GIPC2: variants seen among roughly 807,000 people sequenced by gnomAD.
GIPC2 encodes GIPC PDZ domain containing family member 2.
A neutral mutation model predicts 30.6 loss-of-function variants in GIPC2; 30 were observed. That is an observed-to-expected ratio of 0.98 (90% CI 0.73 to 1.33). GIPC2 has a LOEUF of 1.33. Ranked by LOEUF, GIPC2 falls within the 40% of genes most tolerant of loss-of-function variation. The pLI, the probability that GIPC2 is intolerant of heterozygous loss-of-function variation, is 0.00. For missense variants in GIPC2, 414 were observed against 390.3 expected, an observed-to-expected ratio of 1.06 and a Z score of -0.51; for synonymous variants, 167 against 150.0, an observed-to-expected ratio of 1.11 and a Z score of -0.83.
chr1:78,059,555 C>T (rs1158454641), intron 1 of GIPC2, among the ~76,000 whole-genome samples: 1 of 152,246 alleles, frequency 6.6e-6, no homozygotes. Context: ...CCAGCCTGGG[C>T]AACATGGTGA....
chr1:78,055,173 T>G (rs1003817364), intron 1 of GIPC2, among the ~76,000 whole-genome samples: 2 of 152,174 alleles, frequency 1.3e-5, no homozygotes, highest in African/African-American at 4.8e-5. Context: ...TCTTGTTGCA[T>G]CCTCATGTAA....
At chr1:78,129,906 G>C (rs558617589) in intron 5 of GIPC2, among the ~76,000 whole-genome samples, 2 of 152,196 alleles carry the variant, frequency 1.3e-5, no homozygotes, top group East Asian at 3.9e-4. Flanking sequence ...TTGAGATCCT[G>C]AGATGTGTGG....
At chr1:78,054,209 A>C (rs1408213929) in intron 1 of GIPC2, among the ~76,000 whole-genome samples, 1 of 152,178 alleles carries the variant, frequency 6.6e-6, no homozygotes, top group Non-Finnish European at 1.5e-5. Context: ...GATACCTGCT[A>C]TTGCATGATT....
rs1445538501 is a variant in GIPC2, at chr1:78,046,047, A to G, written c.-48A>G. The stretch of plus-strand genomic sequence containing the variant: ...CAAAGTCCGAGGCGCCGGGGGGAGG[A>G]GGCGGCGGACGGCAGCGCAGGTGGG... On this transcript the variant is annotated 5_prime_UTR_variant, in exon 1 of 6. Transcript: ENST00000370759. The G allele has an allele frequency of 5.7e-6, 8 of 1,396,712 alleles. No individual in the cohort carries two copies. The East Asian group carries it at 2.4e-4, about 42-fold the overall frequency. The allele number at this position is 1,396,712 out of a possible 1,614,324, so 86.5% of individuals were successfully genotyped here.
intron 1 of GIPC2, among the ~76,000 whole-genome samples, chr1:78,078,203 A>AC (rs968112106): frequency 2.9e-4 from 44 of 151,388 alleles, no homozygotes; most frequent in Non-Finnish European, 5.9e-4. Context: ...AAAAAAAAAA[A>AC]AAAAAAACCT....
rs1663017470 is a variant in GIPC2, at chr1:78,136,914, G to A, written c.*1171G>A. 6.6e-6 allele frequency: 1 copy of A among 152,094 alleles called. No individual in the cohort carries two copies. The highest frequency in any genetic ancestry group is 1.5e-5 in the Non-Finnish European group (1 of 67,988). The allele number at this position is 152,094 out of a possible 1,614,324, so 9.4% of individuals were successfully genotyped here. A position where few individuals can be genotyped will look rare whatever the true frequency, so the allele number is the denominator to read the frequency against. On this transcript the variant is annotated 3_prime_UTR_variant, in exon 6 of 6. Transcript: ENST00000370759. ...TGGCATGACCAAGCATCTTTGTAAA[G>A]TGTTAGATGGAAAATGCTGTGTGCT...
intron 3 of GIPC2, among the ~76,000 whole-genome samples, chr1:78,114,378 A>T (rs889992368): frequency 1.3e-5 from 2 of 152,236 alleles, no homozygotes; most frequent in Non-Finnish European, 2.9e-5. Flanking sequence ...CTATAAATAT[A>T]TGTGGTCTCC....
intron 3 of GIPC2, among the ~76,000 whole-genome samples, chr1:78,100,690 G>T (rs1426309409): frequency 6.6e-6 from 1 of 152,146 alleles, no homozygotes; most frequent in Non-Finnish European, 1.5e-5. Flanking sequence ...AGCCCTTTGG[G>T]AGGTTGAGGA....
chr1:78,071,251 A>G (rs1288503784), intron 1 of GIPC2, among the ~76,000 whole-genome samples: 1 of 152,224 alleles, frequency 6.6e-6, no homozygotes, highest in Non-Finnish European at 1.5e-5. Flanking sequence ...GTAACTAGTC[A>G]TTTTTAAAAC....
At chr1:78,055,525 A>G (rs1661272792) in intron 1 of GIPC2, among the ~76,000 whole-genome samples, 1 of 152,122 alleles carries the variant, frequency 6.6e-6, no homozygotes, top group Non-Finnish European at 1.5e-5. Context: ...TTAACCTTCC[A>G]TCTCAGCCTC....
At chr1:78,075,962 C>T (rs1357155496) in intron 1 of GIPC2, among the ~76,000 whole-genome samples, 2 of 152,210 alleles carry the variant, frequency 1.3e-5, no homozygotes, top group Admixed American at 6.5e-5. Context: ...GCGTTGTTGC[C>T]AGGCCCACTC....
intron 1 of GIPC2, among the ~76,000 whole-genome samples, chr1:78,059,798 AAAAT>A (rs971429109): frequency 3.3e-5 from 5 of 152,184 alleles, no homozygotes; most frequent in African/African-American, 4.8e-5. Flanking sequence ...AAAAAAAGAA[AAAAT>A]AAATAAAGTC....
intron 1 of GIPC2, among the ~76,000 whole-genome samples, chr1:78,078,029 A>T (rs1452580082): frequency 6.6e-6 from 1 of 151,396 alleles, no homozygotes; most frequent in Non-Finnish European, 1.5e-5. Context: ...TCTACTAAAA[A>T]TACAAAAAAT....
At chr1:78,072,635 G>A (rs1476825301) in intron 1 of GIPC2, among the ~76,000 whole-genome samples, 1 of 151,918 alleles carries the variant, frequency 6.6e-6, no homozygotes, top group Non-Finnish European at 1.5e-5. Context: ...TAATTTAGAT[G>A]GAGGTCAAAT....
At chr1:78,069,504 G>A (rs1214744898) in intron 1 of GIPC2, among the ~76,000 whole-genome samples, 1 of 141,844 alleles carries the variant, frequency 7.1e-6, no homozygotes, top group Non-Finnish European at 1.5e-5. Flanking sequence ...TTGAGACAGA[G>A]TCTCTATCTC....
chr1:78,093,833 A>G (rs1421058834), intron 2 of GIPC2, among the ~76,000 whole-genome samples: 2 of 152,084 alleles, frequency 1.3e-5, no homozygotes, highest in African/African-American at 2.4e-5. Flanking sequence ...CTCATTCCTC[A>G]TCACTGTGGA....
intron 3 of GIPC2, among the ~76,000 whole-genome samples, chr1:78,113,794 C>T (rs973904781): frequency 1.3e-5 from 2 of 151,948 alleles, no homozygotes; most frequent in Admixed American, 1.3e-4. Flanking sequence ...GTTGAGATTA[C>T]AGGTGTGAGC....
intron 1 of GIPC2, among the ~76,000 whole-genome samples, chr1:78,070,193 A>G (rs1661591134): frequency 6.6e-6 from 1 of 152,182 alleles, no homozygotes; most frequent in South Asian, 2.1e-4. Flanking sequence ...TATATTTGGT[A>G]ATTTGGAACG....
intron 2 of GIPC2, among the ~76,000 whole-genome samples, chr1:78,094,363 G>A (rs1251198799): frequency 6.6e-6 from 1 of 152,208 alleles, no homozygotes; most frequent in Non-Finnish European, 1.5e-5. Flanking sequence ...GTTTAGTAAT[G>A]GAGACTGAGA....
Sources: gnomAD v4.1 joint callset for allele counts (sites outside exome capture counted in the v4.1 genomes callset) on GRCh38, gnomAD v4.1.1 for gene constraint, MANE v1.5 for transcripts, NCBI Gene and HGNC (gene_info 2026-07-23, HGNC 2026-07-21) for gene names.